Variants in DGKB observed in about 807,000 individuals in gnomAD.
The protein encoded by DGKB is diacylglycerol kinase beta.
Under a neutral mutation model 114.3 loss-of-function variants are expected in DGKB, and 67 were observed. That is an observed-to-expected ratio of 0.59 (90% CI 0.48 to 0.72). DGKB has a LOEUF of 0.72. Ranked by LOEUF, DGKB falls within the 30% of genes least tolerant of loss-of-function variation. The pLI, the probability that DGKB is intolerant of heterozygous loss-of-function variation, is 0.00. For synonymous variants in DGKB, 398 were observed against 323.1 expected (o/e 1.23, Z -2.49); for missense variants, 907 against 975.2 (o/e 0.93, Z 0.93).
intron 23 of DGKB, among the ~76,000 whole-genome samples, chr7:14,180,719 T>C (rs149935942): frequency 1.8e-4 from 27 of 152,334 alleles, no homozygotes; most frequent in Middle Eastern, 3.4e-3. Context: ...CTGTATACAA[T>C]TGATGCCCCC....
intron 15 of DGKB, 148 bp from the exon 16 acceptor site, chr7:14,613,561 G>A: frequency 2.2e-6 from 1 of 461,052 alleles, no homozygotes; most frequent in Non-Finnish European, 3.9e-6. Flanking sequence ...GTGTGTGAGT[G>A]TGTGCGTGTG....
intron 23 of DGKB, among the ~76,000 whole-genome samples, chr7:14,218,626 T>G (rs1229133766): frequency 6.6e-6 from 1 of 152,024 alleles, no homozygotes; most frequent in Admixed American, 6.6e-5. Context: ...TGAAGGAAGA[T>G]AAGGGGAAGC....
intron 21 of DGKB, among the ~76,000 whole-genome samples, chr7:14,436,119 TA>T (rs1829222007): frequency 6.6e-6 from 1 of 152,096 alleles, no homozygotes. Flanking sequence ...TTATGCCAGA[TA>T]AAAAAATTTG....
chr7:14,357,821 G>T (rs2128622216), intron 21 of DGKB, among the ~76,000 whole-genome samples: 1 of 152,274 alleles, frequency 6.6e-6, no homozygotes, highest in Middle Eastern at 3.4e-3. Flanking sequence ...GCATTTGCTT[G>T]TGTGTAAAGG....
chr7:14,285,308 G>T (rs1800702489), intron 23 of DGKB, among the ~76,000 whole-genome samples: 1 of 152,158 alleles, frequency 6.6e-6, no homozygotes, highest in African/African-American at 2.4e-5. Context: ...GTCACTGATT[G>T]AGTCTGCCAC....
At chr7:14,516,188 C>T (rs1788763779) in intron 20 of DGKB, among the ~76,000 whole-genome samples, 1 of 152,078 alleles carries the variant, frequency 6.6e-6, no homozygotes, top group Non-Finnish European at 1.5e-5. Context: ...CTCAAGTAAA[C>T]TAAACAATGT....
chr7:14,418,232 A>T (rs1373281191), intron 21 of DGKB, among the ~76,000 whole-genome samples: 2 of 133,534 alleles, frequency 1.5e-5, no homozygotes, highest in African/African-American at 5.2e-5. Flanking sequence ...ATATGTACAT[A>T]TATTTTATAT....
At chr7:14,314,776 A>G (rs959360296) in intron 23 of DGKB, among the ~76,000 whole-genome samples, 1 of 151,616 alleles carries the variant, frequency 6.6e-6, no homozygotes, top group African/African-American at 2.4e-5. Context: ...CAGGAAATAC[A>G]GAGAACGCCA....
chr7:14,237,794 A>G (rs1431363173), intron 23 of DGKB, among the ~76,000 whole-genome samples: 4 of 151,982 alleles, frequency 2.6e-5, no homozygotes, highest in Non-Finnish European at 5.9e-5. Context: ...GATAACATAA[A>G]AAACAAGACG....
chr7:14,798,107 C>T (rs1023501578), intron 2 of DGKB, among the ~76,000 whole-genome samples: 1 of 151,990 alleles, frequency 6.6e-6, no homozygotes, highest in Non-Finnish European at 1.5e-5. Flanking sequence ...GAGCATCATT[C>T]GATTAGTTAA....
At chr7:14,501,394 A>C (rs2128955193) in intron 20 of DGKB, among the ~76,000 whole-genome samples, 1 of 152,066 alleles carries the variant, frequency 6.6e-6, no homozygotes, top group Non-Finnish European at 1.5e-5. Context: ...TTATAATTTA[A>C]TACATAAGAA....
At chr7:14,417,826 G>A (rs1825945990) in intron 21 of DGKB, among the ~76,000 whole-genome samples, 1 of 151,472 alleles carries the variant, frequency 6.6e-6, no homozygotes, top group South Asian at 2.1e-4. Flanking sequence ...TAAACAGCAA[G>A]GTCTTCAGGA....
chr7:14,560,104 G>T (rs1291012782), intron 20 of DGKB, among the ~76,000 whole-genome samples: 1 of 151,418 alleles, frequency 6.6e-6, no homozygotes, highest in Non-Finnish European at 1.5e-5. Flanking sequence ...ACATATTTTG[G>T]CGATTAACCC....
chr7:14,483,247 T>C (rs1375396663), intron 20 of DGKB, among the ~76,000 whole-genome samples: 1 of 152,140 alleles, frequency 6.6e-6, no homozygotes, highest in Non-Finnish European at 1.5e-5. Flanking sequence ...GCACTTTCTT[T>C]TTGCGGGAAT....
intron 14 of DGKB, among the ~76,000 whole-genome samples, chr7:14,626,112 CT>C (rs1808535672): frequency 6.6e-6 from 1 of 152,132 alleles, no homozygotes; most frequent in Admixed American, 6.5e-5. Flanking sequence ...AAATCTTTGT[CT>C]ACATCATGCT....
intron 14 of DGKB, among the ~76,000 whole-genome samples, chr7:14,624,138 T>TA (rs1258398334): frequency 2.0e-5 from 3 of 152,206 alleles, no homozygotes; most frequent in African/African-American, 7.2e-5. Flanking sequence ...ATTCAGTGGT[T>TA]ACGTCAGGAA....
chr7:14,973,540 T>G (rs1276187846), intron 1 of DGKB, among the ~76,000 whole-genome samples: 1 of 147,196 alleles, frequency 6.8e-6, no homozygotes, highest in African/African-American at 2.5e-5. Context: ...TTTTTTTTCT[T>G]TTTTTTTTCT....
chr7:14,666,790 G>A (rs1818106594), intron 13 of DGKB, among the ~76,000 whole-genome samples: 1 of 151,640 alleles, frequency 6.6e-6, no homozygotes, highest in Admixed American at 6.6e-5. Context: ...TTAAAAAAAA[G>A]CATTCTAAGT....
intron 17 of DGKB, among the ~76,000 whole-genome samples, chr7:14,604,570 G>T (rs187399776): frequency 1.3e-5 from 2 of 152,220 alleles, no homozygotes; most frequent in East Asian, 3.9e-4. Context: ...CATTGGAAAA[G>T]TAATAAACTA....
Sources: gnomAD v4.1 joint callset for allele counts (sites outside exome capture counted in the v4.1 genomes callset) on GRCh38, gnomAD v4.1.1 for gene constraint, MANE v1.5 for transcripts, NCBI Gene and HGNC (gene_info 2026-07-23, HGNC 2026-07-21) for gene names.